The following ACSS1 variants were observed in gnomAD, a reference collection of about 807,000 sequenced individuals.
The protein encoded by ACSS1 is acyl-CoA synthetase short chain family member 1, also known as acetyl-coenzyme A synthetase 2-like, mitochondrial.
ACSS1 carries 42 observed loss-of-function variants against 75.3 expected under a neutral mutation model. The ratio of observed to expected loss-of-function variants is 0.56; its 90% CI spans 0.44 to 0.72. ACSS1 has a LOEUF of 0.72. ACSS1 is among the 30% of genes least tolerant of loss of function. ACSS1 has a pLI of 0.00. For missense variants in ACSS1, 782 were observed against 935.7 expected (o/e 0.84, Z 2.14); for synonymous variants, 380 against 376.8 (o/e 1.01, Z -0.10).
intron 1 of ACSS1, among the ~76,000 whole-genome samples, chr20:25,052,095 T>C (rs2089182504): frequency 6.6e-6 from 1 of 152,150 alleles, no homozygotes; most frequent in Non-Finnish European, 1.5e-5. Flanking sequence ...CACATGGCTC[T>C]TCGCACATAG....
At chr20:25,028,183 A>G (rs561749131) in intron 3 of ACSS1, among the ~76,000 whole-genome samples, 1 of 152,258 alleles carries the variant, frequency 6.6e-6, no homozygotes, top group Non-Finnish European at 1.5e-5. Context: ...ATATGGCAAT[A>G]CCTTCCAATT....
At chr20:25,045,527 G>A (rs931016259) in intron 2 of ACSS1, among the ~76,000 whole-genome samples, 10 of 152,216 alleles carry the variant, frequency 6.6e-5, no homozygotes, top group African/African-American at 2.2e-4. Flanking sequence ...ATCGGCACCA[G>A]CGTCCCAACC....
Position 25,057,973 on chromosome 20 carries a change from T to C in ACSS1, c.130A>G (p.Ser44Gly). The change falls in exon 1 of 14, where the codon AGC becomes GGC. Residue 44 changes from serine (S) to glycine (G), a missense_variant. Coordinates refer to ENST00000323482, the MANE Select transcript of ACSS1 (RefSeq NM_032501.4). ...PRRAASGPSGSAPAVAAAAAQ... is the reference protein window; with the variant it reads ...PRRAASGPSGGAPAVAAAAAQ... ...GCTGCTGCTGCAACTGCGGGAGCGC[T>C]GCCCGAGGGTCCCGAGGCCGCCCTG... 1 of 1,572,072 alleles carries C rather than the reference T, an allele frequency of 6.4e-7. No homozygotes were observed. The highest frequency in any genetic ancestry group is 8.6e-7 in the Non-Finnish European group (1 of 1,160,646).
intron 1 of ACSS1, among the ~76,000 whole-genome samples, chr20:25,053,559 G>C (rs2089205194): frequency 6.6e-6 from 1 of 152,150 alleles, no homozygotes; most frequent in Admixed American, 6.5e-5. Flanking sequence ...TTCATGTAGA[G>C]TTCCCTGAAA....
intron 12 of ACSS1, chr20:25,012,387 G>A (rs2122588853): frequency 1.6e-6 from 1 of 613,864 alleles, no homozygotes; most frequent in Non-Finnish European, 2.8e-6. Flanking sequence ...GTCCTGAAAG[G>A]ACAGCAGAAC....
intron 3 of ACSS1, 140 bp downstream of exon 3, chr20:25,030,619 C>T: frequency 1.0e-6 from 1 of 965,432 alleles, no homozygotes. Flanking sequence ...CGGCCATGTG[C>T]CTGTCCCTAG....
intron 1 of ACSS1, among the ~76,000 whole-genome samples, chr20:25,056,305 G>A (rs2089241695): frequency 6.6e-6 from 1 of 152,038 alleles, no homozygotes; most frequent in Non-Finnish European, 1.5e-5. Flanking sequence ...CTCCTTCAAG[G>A]GCACATTGCC....
chr20:25,030,828 T>C lies in ACSS1; in HGVS notation c.562A>G (p.Ile188Val). 8.1e-6 allele frequency: 13 copies of C among 1,614,244 alleles called. No individual in the cohort carries two copies. Among genetic ancestry groups the C allele is most frequent in the Non-Finnish European group, 1.1e-5 (13 of 1,180,044 alleles). ...AAGATGACTGTGTGGACAGCTCCGA[T>C]CCTGGCACAGGCCAGCATTGCTGCC... is the stretch of plus-strand genomic sequence containing the variant. ...AVAAMLACAR[I>V]GAVHTVIFAG... Residue 188 changes from isoleucine (I) to valine (V), a missense_variant, in exon 3 of 14, where the codon ATC (isoleucine) becomes GTC (valine). By Grantham distance (29) the Ile-to-Val change is conservative. This residue lies in a region of ACSS1 where 377 missense variants were observed against 383.1 expected (regional missense o/e 0.98). Transcript: ENST00000323482.
At chr20:25,024,811 A>T (rs965152297) in intron 3 of ACSS1, among the ~76,000 whole-genome samples, 1 of 152,192 alleles carries the variant, frequency 6.6e-6, no homozygotes, top group Non-Finnish European at 1.5e-5. Flanking sequence ...TGTCATGGCC[A>T]TGAGGGTTCC....
chr20:25,055,341 C>A (rs910160877), intron 1 of ACSS1, among the ~76,000 whole-genome samples: 9 of 152,146 alleles, frequency 5.9e-5, no homozygotes, highest in Non-Finnish European at 1.0e-4. Context: ...AGGAAACATG[C>A]AAAGTACAGT....
At position 25,006,913 on chromosome 20, in the gene ACSS1, C is replaced by G. The variant is rs149129309; in HGVS notation, c.*849G>C. 2.0e-6 allele frequency: 3 copies of G among 1,535,508 alleles called. No homozygotes were observed. The East Asian group carries it at 7.3e-5, about 38-fold the overall frequency. On this transcript the variant is annotated 3_prime_UTR_variant, in exon 14 of 14. Coordinates refer to ENST00000323482, the MANE Select transcript of ACSS1 (RefSeq NM_032501.4). ...CTAATAGCTTCCCTGAAGAACCCAA[C>G]TATTTGGAGTATGTTGCCTCTCCTA...
At chr20:25,028,197 C>T (rs1465937228) in intron 3 of ACSS1, among the ~76,000 whole-genome samples, 1 of 152,114 alleles carries the variant, frequency 6.6e-6, no homozygotes, top group Non-Finnish European at 1.5e-5. Flanking sequence ...TCCAATTTTT[C>T]TACAGATTGA....
chr20:25,046,484 G>GC (rs2122744390), intron 2 of ACSS1: 1 of 358,716 alleles, frequency 2.8e-6, no homozygotes, highest in Admixed American at 4.2e-5. Flanking sequence ...CAACCTGCCT[G>GC]CCCCAGGGTC....
chr20:25,053,513 C>T (rs954541096), intron 1 of ACSS1, among the ~76,000 whole-genome samples: 21 of 152,108 alleles, frequency 1.4e-4, no homozygotes, highest in East Asian at 5.8e-4. Flanking sequence ...TTGGATTCCT[C>T]GGGAGGATCC....
intron 3 of ACSS1, among the ~76,000 whole-genome samples, chr20:25,024,908 C>T (rs747487345): frequency 2.2e-4 from 34 of 152,190 alleles, no homozygotes; most frequent in Non-Finnish European, 4.3e-4. Context: ...CTGCATCTGG[C>T]ACCAAGAGCC....
At position 25,012,798 on chromosome 20, in the gene ACSS1, CA is replaced by C; in HGVS notation, c.1707+13del. ...AGGTGTAGGAGTGAAGGAGGAGGCC[CA>C]GCCTGTGCTCACGATGGCGTCCTCA... On this transcript the variant is annotated intron_variant, in intron 11 of 13. Coordinates refer to ENST00000323482, the MANE Select transcript of ACSS1 (RefSeq NM_032501.4). 1 of 1,613,922 alleles carries C rather than the reference CA, an allele frequency of 6.2e-7. No homozygotes were observed. The highest frequency in any genetic ancestry group is 8.5e-7 in the Non-Finnish European group (1 of 1,179,872).
intron 12 of ACSS1, chr20:25,011,331 A>C (rs576339034): frequency 3.9e-5 from 6 of 152,468 alleles, no homozygotes; most frequent in African/African-American, 1.4e-4. Context: ...GGGCTGCTGA[A>C]TCCCCAGACA....
intron 2 of ACSS1, among the ~76,000 whole-genome samples, chr20:25,032,189 A>C (rs1337961850): frequency 2.0e-5 from 3 of 152,180 alleles, no homozygotes; most frequent in Non-Finnish European, 1.5e-5. Context: ...TGGTGTGCGC[A>C]TGCCCTTCCT....
intron 2 of ACSS1, among the ~76,000 whole-genome samples, chr20:25,040,468 C>G (rs1453073581): frequency 6.6e-6 from 1 of 152,252 alleles, no homozygotes; most frequent in Non-Finnish European, 1.5e-5. Context: ...CTTGGCATAC[C>G]TGCCTCGGGC....
Sources: allele counts gnomAD v4.1 joint callset (sites outside exome capture counted in the v4.1 genomes callset), GRCh38; gene constraint gnomAD v4.1.1; regional missense constraint gnomAD v4.1.1; transcripts MANE v1.5; gene names NCBI Gene and HGNC (gene_info 2026-07-23, HGNC 2026-07-21).